Variants in CHUK observed in about 807,000 individuals in gnomAD.
CHUK encodes the protein inhibitor of nuclear factor kappa-B kinase subunit alpha.
Under a neutral mutation model 104.8 loss-of-function variants are expected in CHUK, and 35 were observed. That is an observed-to-expected ratio of 0.33 (90% CI 0.26 to 0.44). The LOEUF (loss-of-function observed/expected upper bound fraction) is 0.44, where lower values mean the gene tolerates loss of function less well. Among genes scored for constraint, CHUK ranks in the 20% least tolerant of loss-of-function variants. The pLI, the probability that CHUK is intolerant of heterozygous loss-of-function variation, is 1.00. For synonymous variants in CHUK, 276 were observed against 291.9 expected (o/e 0.95, Z 0.56); for missense variants, 663 against 902.7 (o/e 0.73, Z 3.40).
chr10:100,206,591 G>A (rs1845596035), intron 11 of CHUK, among the ~76,000 whole-genome samples: 1 of 152,166 alleles, frequency 6.6e-6, no homozygotes, highest in Admixed American at 6.5e-5. Context: ...TGATGACTGT[G>A]GTGTGGATTA....
At chr10:100,194,397 T>G (rs1199723857) in intron 17 of CHUK, 28 bp downstream of exon 17, 1 of 1,476,644 alleles carries the variant, frequency 6.8e-7, no homozygotes, top group East Asian at 2.3e-5. Context: ...TCCTGGTTTT[T>G]CAGTAGGAAA....
intron 16 of CHUK, among the ~76,000 whole-genome samples, chr10:100,199,588 A>G (rs1480482802): frequency 6.6e-6 from 1 of 152,188 alleles, no homozygotes; most frequent in Admixed American, 6.5e-5. Context: ...TGGCCTCCCA[A>G]AGTGCTGGGA....
rs373772425 is a variant in CHUK, at chr10:100,209,664, T to G, written c.1059A>C (p.Glu353Asp). 170 of 1,609,932 alleles carry G rather than the reference T, an allele frequency of 1.1e-4. 1 individual carries two copies. The East Asian group carries it at 2.6e-3, about 25-fold the overall frequency. ...RETGINTGSQ[E>D]LLSETGISLD... ...GAGAAATTCCTGTCTCTGAAAGAAG[T>G]TCTTGAGAACCAGTATTTATTCCAG... The change falls in exon 10 of 21, where the codon GAA becomes GAC. Residue 353 changes from glutamate to aspartate, a missense_variant. This residue lies in a region of CHUK where 93 missense variants were observed against 95.9 expected (regional missense o/e 0.97). Coordinates refer to ENST00000370397, the MANE Select transcript of CHUK (RefSeq NM_001278.5).
chr10:100,189,421 A>G lies in CHUK; in HGVS notation c.*177T>C. On this transcript the variant is annotated 3_prime_UTR_variant, in exon 21 of 21. Transcript: ENST00000370397. ...GTCTGTTTAGAGGCTTGAATTACTC[A>G]AAACTGTTATACTTGTAAAATCATG... 1 of 609,074 alleles carries G rather than the reference A, an allele frequency of 1.6e-6. No individual in the cohort carries two copies. The highest frequency in any genetic ancestry group is 2.1e-5 in the South Asian group (1 of 47,752). 37.7% of individuals were successfully genotyped at this position (609,074 alleles called of 1,614,324 possible). A position where few individuals can be genotyped will look rare whatever the true frequency, so the allele number is the denominator to read the frequency against.
intron 9 of CHUK, among the ~76,000 whole-genome samples, chr10:100,214,826 A>G (rs1845814083): frequency 6.6e-6 from 1 of 152,256 alleles, no homozygotes. Context: ...TAAATTTGAT[A>G]AAATAATTGG....
intron 8 of CHUK, 96 bp from the exon 9 acceptor site, chr10:100,218,226 T>C: frequency 9.3e-7 from 1 of 1,072,454 alleles, no homozygotes; most frequent in Non-Finnish European, 1.4e-6. Flanking sequence ...GTCCATTTTC[T>C]TTCCCACATC....
At chr10:100,186,787 A>G (rs1398076464), downstream of CHUK, 1 of 152,260 alleles carries the variant, frequency 6.6e-6, no homozygotes, top group Non-Finnish European at 1.5e-5. Flanking sequence ...AGATGAATAC[A>G]AGAGAAATTA....
Position 100,192,503 on chromosome 10 carries a change from A to G in CHUK, c.2108+795T>C, listed in dbSNP as rs556042412. ...CTGCCATGTGCTTTTCTCTCATAAA[A>G]GTAGAGTACAGAATGTGCAACTGCA... On this transcript the variant is annotated intron_variant, in intron 19 of 20. Transcript: ENST00000370397. 6.0e-5 allele frequency: 37 copies of G among 616,622 alleles called. No individual in the cohort carries two copies. The South Asian group carries it at 2.3e-3, about 38-fold the overall frequency. The allele number at this position is 616,622 out of a possible 1,614,324, so 38.2% of individuals were successfully genotyped here.
chr10:100,219,911 A>G (rs1845946667), intron 5 of CHUK, among the ~76,000 whole-genome samples: 1 of 152,126 alleles, frequency 6.6e-6, no homozygotes, highest in African/African-American at 2.4e-5. Flanking sequence ...AAGAGGCATC[A>G]CCAAGGTTCC....
At chr10:100,186,491 C>G (rs944690784), downstream of CHUK, 1 of 154,310 alleles carries the variant, frequency 6.5e-6, no homozygotes, top group Admixed American at 6.5e-5. Context: ...GCATCATTCT[C>G]TCGTTTTTTA....
chr10:100,194,333 A>T, intron 17 of CHUK, 92 bp downstream of exon 17: 1 of 1,104,254 alleles, frequency 9.1e-7, no homozygotes, highest in East Asian at 2.4e-5. Flanking sequence ...TTCCTGGGTA[A>T]GTATACTTTA....
Position 100,222,153 on chromosome 10 carries a change from C to A in CHUK, c.344G>T (p.Gly115Val). The change falls in exon 4 of 21, where the codon GGA (glycine) becomes GTA (valine). Residue 115 changes from glycine (G) to valine (V), a missense_variant. Physicochemically the swap from Gly to Val is moderately radical, Grantham distance 109. Coordinates refer to ENST00000370397, the MANE Select transcript of CHUK (RefSeq NM_001278.5). ...AGAAAGTATCTGGCTTTCTTTAAGT[C>A]CACAACAATTTTCTGGTTTGTTGAG... is the stretch of plus-strand genomic sequence containing the variant. ...KLLNKPENCC[G>V]LKESQILSLL... 2 of 1,599,882 alleles carry A rather than the reference C, an allele frequency of 1.3e-6. No homozygotes were observed. The highest frequency in any genetic ancestry group is 2.2e-5 in the South Asian group (2 of 90,738).
intron 5 of CHUK, 45 bp downstream of exon 5, chr10:100,220,543 G>A: frequency 7.9e-7 from 1 of 1,259,288 alleles, no homozygotes; most frequent in Non-Finnish European, 1.2e-6. Context: ...ATATCAGAGA[G>A]ACTATATTCA....
intron 9 of CHUK, 69 bp from the exon 10 acceptor site, chr10:100,209,858 T>C: frequency 1.4e-6 from 1 of 734,464 alleles, no homozygotes; most frequent in Non-Finnish European, 2.4e-6. Flanking sequence ...TGCCAGATAC[T>C]AAAAGGTGAA....
Position 100,199,955 on chromosome 10 carries a change from G to A in CHUK, c.1729+16C>T, listed in dbSNP as rs751035306. On this transcript the variant is annotated intron_variant, in intron 16 of 20. Coordinates refer to ENST00000370397, the MANE Select transcript of CHUK (RefSeq NM_001278.5). The stretch of plus-strand genomic sequence containing the variant: ...TACCTAAAATGCCTTCAAGCACTGT[G>A]GTAGAAGTGTCTTACCTGAAGGTCT... The A allele has an allele frequency of 2.5e-5, 39 of 1,583,296 alleles. No homozygotes were observed. The highest frequency in any genetic ancestry group is 2.3e-4 in the South Asian group (21 of 90,454).
chr10:100,189,902 A>T (rs1360474998), intron 20 of CHUK: 2 of 374,592 alleles, frequency 5.3e-6, no homozygotes, highest in Non-Finnish European at 4.9e-6. Context: ...GTGGCTATTC[A>T]CAAGTCCAAT....
At chr10:100,213,446 A>G (rs1845780503) in intron 9 of CHUK, among the ~76,000 whole-genome samples, 1 of 151,838 alleles carries the variant, frequency 6.6e-6, no homozygotes, top group Admixed American at 6.6e-5. Flanking sequence ...AGATTGCACC[A>G]TGGTACTCTA....
rs778179664 is a variant in CHUK, at chr10:100,218,148, T to C, written c.798-18A>G. Reference sequence around the variant, plus strand: ...CTACTAAACTAGAAAACATACAAAATAGGGTGAAAATCAAATCATTATGTT... The same window carrying C: ...CTACTAAACTAGAAAACATACAAAACAGGGTGAAAATCAAATCATTATGTT... On this transcript the variant is annotated intron_variant, in intron 8 of 20. Transcript: ENST00000370397. The C allele has an allele frequency of 1.2e-6, 2 of 1,600,328 alleles. No individual in the cohort carries two copies. Among genetic ancestry groups the C allele is most frequent in the Non-Finnish European group, 8.6e-7 (1 of 1,167,554 alleles).
chr10:100,189,429 T>C lies in CHUK; in HGVS notation c.*169A>G, dbSNP rs772335056. 53 of 635,686 alleles carry C rather than the reference T, an allele frequency of 8.3e-5. No individual in the cohort carries two copies. Among genetic ancestry groups the C allele is most frequent in the African/African-American group, 1.5e-4 (8 of 54,684 alleles). The allele number at this position is 635,686 out of a possible 1,614,324, so 39.4% of individuals were successfully genotyped here. A position where few individuals can be genotyped will look rare whatever the true frequency, so the allele number is the denominator to read the frequency against. ...AGAGGCTTGAATTACTCAAAACTGT[T>C]ATACTTGTAAAATCATGTTCTTCTG... On this transcript the variant is annotated 3_prime_UTR_variant, in exon 21 of 21. Coordinates refer to ENST00000370397, the MANE Select transcript of CHUK (RefSeq NM_001278.5).
Sources: gnomAD v4.1 joint callset for allele counts (sites outside exome capture counted in the v4.1 genomes callset) on GRCh38, gnomAD v4.1.1 for gene constraint, gnomAD v4.1.1 regional missense constraint, MANE v1.5 for transcripts, NCBI Gene and HGNC (gene_info 2026-07-23, HGNC 2026-07-21) for gene names.